The following VPS41 variants were observed in gnomAD, a reference collection of about 807,000 sequenced individuals.
VPS41 encodes the protein vacuolar protein sorting-associated protein 41 homolog.
VPS41 carries 85 observed loss-of-function variants against 130.9 expected under a neutral mutation model. The observed-to-expected ratio is 0.65, with a 90% CI of 0.55 to 0.78. The LOEUF is 0.78. Ranked by LOEUF, VPS41 falls within the 30% of genes least tolerant of loss-of-function variation. VPS41 has a pLI of 0.00. For missense variants in VPS41, 874 were observed against 1,018.7 expected (o/e 0.86, Z 1.93); for synonymous variants, 335 against 332.9 (o/e 1.01, Z -0.07).
chr7:38,728,057 A>C (rs895315610), intron 27 of VPS41, among the ~76,000 whole-genome samples: 2 of 152,200 alleles, frequency 1.3e-5, no homozygotes, highest in Non-Finnish European at 2.9e-5. Context: ...GAAAAACACT[A>C]AAGAAAAGGG....
intron 10 of VPS41, among the ~76,000 whole-genome samples, chr7:38,785,048 CATTTATGA>C (rs1784416035): frequency 6.6e-6 from 1 of 152,162 alleles, no homozygotes; most frequent in African/African-American, 2.4e-5. Flanking sequence ...GTCTTATATT[CATTTATGA>C]AAATGCATTG....
intron 3 of VPS41, among the ~76,000 whole-genome samples, chr7:38,868,338 G>A (rs1465268963): frequency 1.3e-5 from 2 of 152,212 alleles, no homozygotes; most frequent in Non-Finnish European, 2.9e-5. Context: ...AGTGTTGGGG[G>A]TACAGGACTC....
chr7:38,734,509 A>T (rs1411314929), intron 25 of VPS41, among the ~76,000 whole-genome samples: 1 of 152,192 alleles, frequency 6.6e-6, no homozygotes, highest in Non-Finnish European at 1.5e-5. Context: ...GACTGTTGAA[A>T]ATCAACATGA....
Position 38,846,475 on chromosome 7 carries a change from G to A in VPS41, c.246+16070C>T, listed in dbSNP as rs34101757. Among the ~76,000 whole-genome samples the A allele has an allele frequency of 3.4e-3, 524 of 152,318 alleles. 1 individual carries two copies. The highest frequency in any genetic ancestry group is 6.8e-3 in the Middle Eastern group (2 of 294). On this transcript the variant is annotated intron_variant, in intron 4 of 28. Coordinates refer to ENST00000310301, the MANE Select transcript of VPS41 (RefSeq NM_014396.4). Reference sequence around the variant, plus strand: ...CAAAGACAAGAAAGTGCATTCCAACGAGAGCCAAAGAATGAAGTCTGGATA... The same window carrying A: ...CAAAGACAAGAAAGTGCATTCCAACAAGAGCCAAAGAATGAAGTCTGGATA...
intron 4 of VPS41, among the ~76,000 whole-genome samples, chr7:38,855,675 C>T: frequency 6.6e-6 from 1 of 152,144 alleles, no homozygotes; most frequent in Non-Finnish European, 1.5e-5. Context: ...AATACATAAC[C>T]AGAACAGCTC....
intron 24 of VPS41, 73 bp downstream of exon 24, chr7:38,743,329 G>C: frequency 1.3e-6 from 2 of 1,554,830 alleles, no homozygotes; most frequent in Non-Finnish European, 1.8e-6. Context: ...TCTTGAAATA[G>C]TTTTTAATCT....
At chr7:38,905,719 G>GA (rs1023128863) in intron 1 of VPS41, among the ~76,000 whole-genome samples, 2 of 152,038 alleles carry the variant, frequency 1.3e-5, no homozygotes, top group Non-Finnish European at 2.9e-5. Flanking sequence ...ATGATACCAA[G>GA]AAAAAAATGT....
At chr7:38,793,830 T>C (rs1322268309) in intron 9 of VPS41, among the ~76,000 whole-genome samples, 2 of 152,164 alleles carry the variant, frequency 1.3e-5, no homozygotes, top group African/African-American at 4.8e-5. Flanking sequence ...CTCTCTTCCA[T>C]GTTAGCATCT....
chr7:38,830,883 A>G (rs1785374203), intron 4 of VPS41, among the ~76,000 whole-genome samples: 1 of 152,214 alleles, frequency 6.6e-6, no homozygotes, highest in Admixed American at 6.5e-5. Context: ...TATTTGATCC[A>G]TTTTGTAGAA....
chr7:38,802,595 T>A (rs938624099), intron 7 of VPS41, among the ~76,000 whole-genome samples: 3 of 152,200 alleles, frequency 2.0e-5, no homozygotes, highest in Admixed American at 6.5e-5. Context: ...AGCAGAAACA[T>A]ATTTTCTGAC....
chr7:38,811,670 A>ATC (rs1439329187), intron 7 of VPS41, among the ~76,000 whole-genome samples: 3 of 151,440 alleles, frequency 2.0e-5, no homozygotes, highest in Admixed American at 6.6e-5. Flanking sequence ...ATATATATAT[A>ATC]TCTTCTGTAG....
intron 7 of VPS41, among the ~76,000 whole-genome samples, chr7:38,813,979 G>A (rs905203244): frequency 1.3e-5 from 2 of 152,130 alleles, no homozygotes; most frequent in African/African-American, 4.8e-5. Context: ...CTGATGTTCT[G>A]CCTGTTCAGC....
intron 4 of VPS41, among the ~76,000 whole-genome samples, chr7:38,849,078 T>C (rs1785790600): frequency 6.6e-6 from 1 of 151,986 alleles, no homozygotes; most frequent in Non-Finnish European, 1.5e-5. Context: ...GTGAAGACAA[T>C]GTAAAAAGCA....
At chr7:38,753,681 T>C (rs893157195) in intron 21 of VPS41, among the ~76,000 whole-genome samples, 1 of 152,226 alleles carries the variant, frequency 6.6e-6, no homozygotes, top group African/African-American at 2.4e-5. Context: ...TCCTGTCTCC[T>C]GGCTTAAGTA....
intron 3 of VPS41, among the ~76,000 whole-genome samples, chr7:38,866,264 T>C (rs888805188): frequency 3.9e-5 from 6 of 152,210 alleles, no homozygotes; most frequent in African/African-American, 1.4e-4. Flanking sequence ...TATTTCGTAG[T>C]TGATGAAAAA....
intron 10 of VPS41, among the ~76,000 whole-genome samples, chr7:38,780,270 T>C (rs1254865055): frequency 6.7e-6 from 1 of 148,830 alleles, no homozygotes; most frequent in Non-Finnish European, 1.5e-5. Context: ...CAGATCAAGG[T>C]CATCTAGAAA....
chr7:38,737,596 C>T (rs1327632778), intron 25 of VPS41, among the ~76,000 whole-genome samples: 1 of 152,162 alleles, frequency 6.6e-6, no homozygotes, highest in African/African-American at 2.4e-5. Context: ...CATCTTCTAG[C>T]TTCAACTTTC....
intron 2 of VPS41, among the ~76,000 whole-genome samples, chr7:38,889,573 A>AC (rs1466851431): frequency 0.079 from 11,439 of 145,400 alleles, 651 homozygotes; most frequent in African/African-American, 0.16. Context: ...AAAAAAAAAA[A>AC]ACCTTAAAAC....
At chr7:38,741,423 T>C in intron 25 of VPS41, 2 of 243,600 alleles carry the variant, frequency 8.2e-6, no homozygotes, top group South Asian at 5.2e-5. Context: ...AATAATGAGT[T>C]CCACTGTTCT....
Sources: allele counts gnomAD v4.1 joint callset (sites outside exome capture counted in the v4.1 genomes callset), GRCh38; gene constraint gnomAD v4.1.1; transcripts MANE v1.5; gene names NCBI Gene and HGNC (gene_info 2026-07-23, HGNC 2026-07-21).